BRDT: variants seen among roughly 807,000 people sequenced by gnomAD.
BRDT encodes bromodomain testis-specific protein.
A neutral mutation model predicts 113.9 loss-of-function variants in BRDT; 77 were observed. The ratio of observed to expected loss-of-function variants is 0.68; its 90% CI spans 0.56 to 0.82. The LOEUF (loss-of-function observed/expected upper bound fraction) is 0.82, where lower values mean the gene tolerates loss of function less well. Ranked by LOEUF, BRDT falls within the 40% of genes least tolerant of loss-of-function variation. The pLI is 0.00. For synonymous variants in BRDT, 358 were observed against 366.5 expected, an observed-to-expected ratio of 0.98 and a Z score of 0.26; for missense variants, 1,027 against 1,105.4, an observed-to-expected ratio of 0.93 and a Z score of 1.01.
intron 15 of BRDT, among the ~76,000 whole-genome samples, chr1:91,996,533 C>T (rs913493731): frequency 3.3e-5 from 5 of 152,204 alleles, no homozygotes; most frequent in Non-Finnish European, 5.9e-5. Flanking sequence ...AGGCGTGAGC[C>T]ACCACACCCA....
intron 1 of BRDT, among the ~76,000 whole-genome samples, chr1:91,955,437 G>A (rs1379655228): frequency 6.6e-6 from 1 of 152,182 alleles, no homozygotes; most frequent in African/African-American, 2.4e-5. Flanking sequence ...CTGGGAGACA[G>A]AGTGAGACTC....
chr1:91,961,781 G>A (rs1464849756), intron 1 of BRDT, among the ~76,000 whole-genome samples: 1 of 152,040 alleles, frequency 6.6e-6, no homozygotes, highest in Admixed American at 6.6e-5. Flanking sequence ...CTTCCGACTA[G>A]GAATTTATAG....
At chr1:92,006,631 T>G (rs1233683684) in intron 18 of BRDT, among the ~76,000 whole-genome samples, 1 of 151,718 alleles carries the variant, frequency 6.6e-6, no homozygotes, top group East Asian at 1.9e-4. Flanking sequence ...CATGCCTGGC[T>G]AATGTTTTGT....
rs1570640407 is a variant in BRDT, at chr1:92,004,533, G to T, written c.2508G>T (p.Lys836Asn). The T allele has an allele frequency of 6.2e-7, 1 of 1,613,292 alleles. No homozygotes were observed. Among genetic ancestry groups the T allele is most frequent in the East Asian group, 2.2e-5 (1 of 44,778 alleles). Residue 836 changes from lysine (K) to asparagine (N), a missense_variant, in exon 17 of 19, where the codon AAG (lysine) becomes AAT (asparagine). Coordinates refer to ENST00000399546, the MANE Select transcript of BRDT (RefSeq NM_207189.4). ...FNQFRKAAIE[K>N]EVKARTQELI... Reference sequence around the variant, plus strand: ...AATTTAGAAAAGCAGCCATAGAAAAGGAAGTAAAAGCTCGGACACAGGAAC... The same window carrying T: ...AATTTAGAAAAGCAGCCATAGAAAATGAAGTAAAAGCTCGGACACAGGAAC...
At chr1:92,000,012 A>G (rs550949830) in intron 15 of BRDT, among the ~76,000 whole-genome samples, 1 of 152,326 alleles carries the variant, frequency 6.6e-6, no homozygotes, top group East Asian at 1.9e-4. Context: ...AGTAGCTGGG[A>G]CCACAAATGT....
chr1:91,975,430 T>C (rs1278094495), intron 4 of BRDT, among the ~76,000 whole-genome samples: 2 of 152,164 alleles, frequency 1.3e-5, no homozygotes, highest in African/African-American at 4.8e-5. Flanking sequence ...AAGATCACTT[T>C]GGTTGCTGTT....
chr1:91,977,688 C>T (rs894565193), intron 6 of BRDT, among the ~76,000 whole-genome samples: 3 of 143,502 alleles, frequency 2.1e-5, no homozygotes, highest in Non-Finnish European at 4.5e-5. Flanking sequence ...CTGGCCATGG[C>T]GAAACTTCGT....
chr1:91,992,425 A>G, intron 14 of BRDT, 111 bp downstream of exon 14: 1 of 688,098 alleles, frequency 1.5e-6, no homozygotes, highest in Non-Finnish European at 2.3e-6. Flanking sequence ...AAAAAAAAAA[A>G]AAAAACCACA....
chr1:91,958,444 G>A (rs1215087363), intron 1 of BRDT, among the ~76,000 whole-genome samples: 2 of 152,134 alleles, frequency 1.3e-5, no homozygotes, highest in East Asian at 3.9e-4. Context: ...TTGAACTCCT[G>A]ATCTTGGGTG....
In BRDT at chr1:92,002,426, C is replaced by T. The variant is rs368299303; in HGVS notation, c.2388+277C>T. ...TCGCCTAGGCTGGAGTGCCGTGGCACGATCTCGGCTCACTGCAACCTCTGC... is the reference window on the plus strand; with the variant it reads ...TCGCCTAGGCTGGAGTGCCGTGGCATGATCTCGGCTCACTGCAACCTCTGC... On this transcript the variant is annotated intron_variant, in intron 16 of 18. Transcript: ENST00000399546. Among the ~76,000 whole-genome samples, 14 of 152,180 alleles carry T rather than the reference C, an allele frequency of 9.2e-5. No homozygotes were observed. In the South Asian group the frequency reaches 1.2e-3, roughly 14 times the overall value.
intron 15 of BRDT, among the ~76,000 whole-genome samples, chr1:91,999,297 G>A (rs938683191): frequency 9.9e-5 from 15 of 152,204 alleles, no homozygotes; most frequent in African/African-American, 2.9e-4. Context: ...TGACAGACCC[G>A]GGACACAAGA....
intron 15 of BRDT, among the ~76,000 whole-genome samples, chr1:91,994,673 C>T (rs932346688): frequency 6.0e-5 from 9 of 151,250 alleles, no homozygotes; most frequent in Non-Finnish European, 2.9e-5. Context: ...GAGACCATCC[C>T]GGCTAAAAAA....
chr1:92,006,525 G>C (rs1687319333), intron 18 of BRDT, among the ~76,000 whole-genome samples: 1 of 151,986 alleles, frequency 6.6e-6, no homozygotes, highest in Middle Eastern at 3.4e-3. Flanking sequence ...GGAGTGCAGT[G>C]GTGTGATCTC....
chr1:91,973,281 A>G (rs544828070), intron 4 of BRDT, among the ~76,000 whole-genome samples: 1 of 152,250 alleles, frequency 6.6e-6, no homozygotes, highest in East Asian at 1.9e-4. Flanking sequence ...TTTTAGTTCC[A>G]TATGAACTTT....
intron 12 of BRDT, 60 bp downstream of exon 12, chr1:91,981,815 G>T: frequency 6.8e-7 from 1 of 1,474,354 alleles, no homozygotes; most frequent in South Asian, 1.4e-5. Flanking sequence ...CTGTAATATT[G>T]ATTTATATTT....
At chr1:91,999,298 G>A (rs1570621257) in intron 15 of BRDT, among the ~76,000 whole-genome samples, 1 of 152,078 alleles carries the variant, frequency 6.6e-6, no homozygotes, top group African/African-American at 2.4e-5. Flanking sequence ...GACAGACCCG[G>A]GACACAAGAT....
intron 5 of BRDT, 26 bp downstream of exon 5, chr1:91,976,464 A>G (rs764417812): frequency 2.0e-6 from 3 of 1,501,150 alleles, no homozygotes; most frequent in Admixed American, 2.5e-5. Context: ...TTTTTAAATC[A>G]TTGCTTTTTA....
chr1:91,992,738 G>T (rs1259502205), intron 14 of BRDT, among the ~76,000 whole-genome samples: 1 of 152,090 alleles, frequency 6.6e-6, no homozygotes, highest in Non-Finnish European at 1.5e-5. Flanking sequence ...GTTTCACCAT[G>T]TTGGCCAAGC....
Position 91,976,266 on chromosome 1 carries a change from G to T in BRDT, c.446G>T (p.Gly149Val). The change falls in exon 5 of 19, where the codon GGC becomes GTC. Residue 149 changes from glycine (G) to valine (V), a missense_variant and splice_region_variant. Gly to Val is a moderately radical substitution (Grantham distance 109). Coordinates refer to ENST00000399546, the MANE Select transcript of BRDT (RefSeq NM_207189.4). Reference protein sequence around the residue: ...VVGVKERIKKGTQQNIAVSSA... With the variant: ...VVGVKERIKKVTQQNIAVSSA... ...TTGATTCTGGCTCATACTTTTCCAG[G>T]CACTCAACAGAATATAGCTGTTTCT... 1 of 1,583,484 alleles carries T rather than the reference G, an allele frequency of 6.3e-7. No individual in the cohort carries two copies. Among genetic ancestry groups the T allele is most frequent in the East Asian group, 2.3e-5 (1 of 43,718 alleles).
Sources: gnomAD v4.1 joint callset for allele counts (sites outside exome capture counted in the v4.1 genomes callset) on GRCh38, gnomAD v4.1.1 for gene constraint, MANE v1.5 for transcripts, NCBI Gene and HGNC (gene_info 2026-07-23, HGNC 2026-07-21) for gene names.